The following STX8 variants were observed in gnomAD, a reference collection of about 807,000 sequenced individuals.
STX8 encodes syntaxin-8.
STX8 carries 23 observed loss-of-function variants against 37.5 expected under a neutral mutation model. The observed-to-expected ratio is 0.61, with a 90% CI of 0.44 to 0.87. STX8 has a LOEUF of 0.87. Ranked by LOEUF, STX8 falls within the 40% of genes least tolerant of loss-of-function variation. STX8 has a pLI of 0.00. For missense variants in STX8, 313 were observed against 284.7 expected, an observed-to-expected ratio of 1.10 and a Z score of -0.71; for synonymous variants, 115 against 99.1, an observed-to-expected ratio of 1.16 and a Z score of -0.95.
chr17:9,272,493 C>T (rs1381159812), intron 7 of STX8, among the ~76,000 whole-genome samples: 1 of 152,170 alleles, frequency 6.6e-6, no homozygotes, highest in Non-Finnish European at 1.5e-5. Flanking sequence ...ACCTGAAGAA[C>T]AAAGATTCCA....
chr17:9,570,230 C>A (rs555710010), intron 1 of STX8, among the ~76,000 whole-genome samples: 1 of 151,762 alleles, frequency 6.6e-6, no homozygotes, highest in African/African-American at 2.4e-5. Context: ...AAGGAAAATG[C>A]GCCCATCAAT....
At chr17:9,304,915 GAAA>G (rs1200902556) in intron 7 of STX8, among the ~76,000 whole-genome samples, 49 of 134,558 alleles carry the variant, frequency 3.6e-4, no homozygotes, top group African/African-American at 1.4e-3. Context: ...ATATATGGGC[GAAA>G]AAAAAAATAT....
intron 7 of STX8, among the ~76,000 whole-genome samples, chr17:9,321,513 T>C (rs1455730004): frequency 6.6e-6 from 1 of 151,688 alleles, no homozygotes; most frequent in Non-Finnish European, 1.5e-5. Flanking sequence ...CACATATAAA[T>C]ATACTACTTA....
At chr17:9,547,789 TTTTTTTTG>T (rs1197969634) in intron 3 of STX8, among the ~76,000 whole-genome samples, 1 of 139,942 alleles carries the variant, frequency 7.1e-6, no homozygotes, top group Non-Finnish European at 1.5e-5. Context: ...TTTCTTTTTT[TTTTTTTTG>T]TTTTGTTTTG....
chr17:9,558,777 C>A (rs1907089842), intron 2 of STX8, among the ~76,000 whole-genome samples: 1 of 151,502 alleles, frequency 6.6e-6, no homozygotes, highest in African/African-American at 2.4e-5. Flanking sequence ...GAGCCGAGAT[C>A]GCGCCACTGC....
intron 7 of STX8, among the ~76,000 whole-genome samples, chr17:9,256,768 G>A (rs59493288): frequency 0.25 from 38,188 of 152,128 alleles, 5,347 homozygotes; most frequent in Admixed American, 0.34. Context: ...GGGCGCAGCC[G>A]ACCCCCCTGC....
intron 4 of STX8, among the ~76,000 whole-genome samples, chr17:9,515,802 G>T (rs1783037420): frequency 6.6e-6 from 1 of 152,164 alleles, no homozygotes; most frequent in African/African-American, 2.4e-5. Context: ...GGGATTACAG[G>T]CATGAGCCAC....
chr17:9,328,326 A>G (rs1320959240), intron 7 of STX8, among the ~76,000 whole-genome samples: 1 of 152,096 alleles, frequency 6.6e-6, no homozygotes, highest in Non-Finnish European at 1.5e-5. Flanking sequence ...GGAAAAGGGA[A>G]GGAAGAAAAA....
intron 7 of STX8, among the ~76,000 whole-genome samples, chr17:9,377,271 C>G (rs898399703): frequency 6.6e-6 from 1 of 151,672 alleles, no homozygotes; most frequent in Non-Finnish European, 1.5e-5. Flanking sequence ...GTTCTCAGAT[C>G]TCTAGGTTTT....
chr17:9,531,079 T>C (rs1298278325), intron 4 of STX8, among the ~76,000 whole-genome samples: 2 of 152,262 alleles, frequency 1.3e-5, no homozygotes, highest in African/African-American at 4.8e-5. Flanking sequence ...ACCTCTGTCA[T>C]AAATCAGGTG....
intron 6 of STX8, chr17:9,469,315 C>CT (rs1905746604): frequency 6.6e-6 from 1 of 152,030 alleles, no homozygotes; most frequent in South Asian, 2.1e-4. Flanking sequence ...AAATCTAAGT[C>CT]TAAGTTCATG....
intron 7 of STX8, among the ~76,000 whole-genome samples, chr17:9,372,688 G>C (rs1911449005): frequency 6.6e-6 from 1 of 151,258 alleles, no homozygotes; most frequent in Non-Finnish European, 1.5e-5. Context: ...ATGTTGGCCA[G>C]GCTGGTCTTG....
intron 4 of STX8, among the ~76,000 whole-genome samples, chr17:9,536,508 T>C (rs1906063729): frequency 6.6e-6 from 1 of 152,166 alleles, no homozygotes; most frequent in African/African-American, 2.4e-5. Context: ...TCTAGAGAGC[T>C]AAACCCAGGC....
At chr17:9,345,571 A>C (rs1242536244) in intron 7 of STX8, among the ~76,000 whole-genome samples, 1 of 152,090 alleles carries the variant, frequency 6.6e-6, no homozygotes, top group African/African-American at 2.4e-5. Context: ...ATATTTTTAA[A>C]ATTTTTTATT....
chr17:9,411,761 A>C (rs1912986622), intron 6 of STX8, among the ~76,000 whole-genome samples: 1 of 152,242 alleles, frequency 6.6e-6, no homozygotes, highest in Middle Eastern at 3.2e-3. Flanking sequence ...GATTCACTGG[A>C]ATGTGGAAAG....
chr17:9,371,299 C>T (rs1321115351), intron 7 of STX8, among the ~76,000 whole-genome samples: 1 of 152,150 alleles, frequency 6.6e-6, no homozygotes, highest in Admixed American at 6.5e-5. Context: ...GATGTGGCGG[C>T]TGCTATCCAC....
intron 6 of STX8, among the ~76,000 whole-genome samples, chr17:9,405,292 C>T (rs1460587659): frequency 2.0e-5 from 3 of 152,012 alleles, no homozygotes; most frequent in Admixed American, 2.0e-4. Context: ...GAATTAGAGA[C>T]CTTGGGTTTG....
chr17:9,547,983 G>C (rs1906615865), intron 3 of STX8, among the ~76,000 whole-genome samples: 2 of 151,844 alleles, frequency 1.3e-5, no homozygotes. Context: ...TTGAGAGACA[G>C]GATTTCACCA....
At chr17:9,345,084 C>A (rs12950480) in intron 7 of STX8, among the ~76,000 whole-genome samples, 13,626 of 152,144 alleles carry the variant, frequency 0.09, 761 homozygotes, top group Middle Eastern at 0.17. Flanking sequence ...AGAGCAAGTT[C>A]TCTGTGGGCT....
Sources: allele counts gnomAD v4.1 joint callset (sites outside exome capture counted in the v4.1 genomes callset), GRCh38; gene constraint gnomAD v4.1.1; transcripts MANE v1.5; gene names NCBI Gene and HGNC (gene_info 2026-07-23, HGNC 2026-07-21).